RGS12: variants seen among roughly 807,000 people sequenced by gnomAD.
RGS12 encodes regulator of G-protein signaling 12.
A neutral mutation model predicts 120.1 loss-of-function variants in RGS12; 66 were observed. That is an observed-to-expected ratio of 0.55 (90% CI 0.45 to 0.67). The LOEUF (loss-of-function observed/expected upper bound fraction) is 0.67. Ranked by LOEUF, RGS12 falls within the 30% of genes least tolerant of loss-of-function variation. The pLI is 0.00. For missense variants in RGS12, 1,859 were observed against 1,957.7 expected, an observed-to-expected ratio of 0.95 and a Z score of 0.95; for synonymous variants, 827 against 804.7, an observed-to-expected ratio of 1.03 and a Z score of -0.47.
At chr4:3,427,923 C>T (rs1723829063) in intron 14 of RGS12, among the ~76,000 whole-genome samples, 167 bp from the exon 15 acceptor site, 1 of 152,204 alleles carries the variant, frequency 6.6e-6, no homozygotes, top group African/African-American at 2.4e-5. Context: ...GGCCCTCTCT[C>T]CTGTCCCATG....
At chr4:3,311,385 A>T (rs1724392906) in intron 1 of RGS12, among the ~76,000 whole-genome samples, 1 of 152,170 alleles carries the variant, frequency 6.6e-6, no homozygotes. Context: ...TTTTAACTTT[A>T]GAAGGGAATA....
intron 1 of RGS12, among the ~76,000 whole-genome samples, chr4:3,309,662 C>T (rs1259186292): frequency 3.2e-4 from 20 of 63,404 alleles, no homozygotes; most frequent in Admixed American, 5.9e-4. Context: ...AGCTGGGACC[C>T]TGGAATGGCA....
At position 3,428,650 on chromosome 4, in the gene RGS12, A is replaced by G; in HGVS notation, c.3504A>G (p.Glu1168=). ...GGGATCCCCGGCTTTCAAAGAGAGA[A>G]GAATCTATTGCAAAGATTGGGAAAA... ...NARDPRLSKR[E]ESIAKIGKKK... The change falls in exon 16 of 18, where the codon GAA becomes GAG. Residue 1168 remains glutamate (E), a synonymous_variant. Coordinates refer to ENST00000336727, the MANE Select transcript of RGS12 (RefSeq NM_001394154.1). The G allele has an allele frequency of 1.2e-6, 2 of 1,604,158 alleles. No homozygotes were observed. Among genetic ancestry groups the G allele is most frequent in the Non-Finnish European group, 1.7e-6 (2 of 1,176,908 alleles).
rs779539927 is a variant in RGS12, at chr4:3,356,360, ATTTAT to A, written c.1998+13312_1998+13316del. Among the ~76,000 whole-genome samples the A allele has an allele frequency of 1.4e-4, 22 of 152,044 alleles. 1 individual carries two copies. Among genetic ancestry groups the A allele is most frequent in the Non-Finnish European group, 2.8e-4 (19 of 68,000 alleles). On this transcript the variant is annotated intron_variant, in intron 3 of 17. Coordinates refer to ENST00000336727, the MANE Select transcript of RGS12 (RefSeq NM_001394154.1). ...ATGAGCCACCATGCCTGGCCTTTCA[ATTTAT>A]TTTAATTGTGGTAAAATACATACAA...
Position 3,433,702 on chromosome 4 carries a change from C to T in RGS12, c.4114+2747C>T, listed in dbSNP as rs1007701604. ...TGGTGCTCCACCACGCCCTTCTAGC[C>T]TCAGCGTCATGCACCGCACCGCCCC... On this transcript the variant is annotated intron_variant, in intron 17 of 17. Coordinates refer to ENST00000336727, the MANE Select transcript of RGS12 (RefSeq NM_001394154.1). The surrounding 1 kb of genome is among the most constrained non-coding windows in gnomAD (Gnocchi z 4.4). Among the ~76,000 whole-genome samples the T allele has an allele frequency of 2.4e-4, 37 of 151,878 alleles. No individual in the cohort carries two copies. Among genetic ancestry groups the T allele is most frequent in the Non-Finnish European group, 4.6e-4 (31 of 67,954 alleles).
At chr4:3,418,677 C>G (rs1389751764) in intron 9 of RGS12, 1 of 152,296 alleles carries the variant, frequency 6.6e-6, no homozygotes, top group Admixed American at 6.5e-5. Context: ...CAGCCCTGAG[C>G]TTCTGGCCAT....
chr4:3,373,183 G>A (rs551073040), intron 3 of RGS12, among the ~76,000 whole-genome samples: 4 of 152,322 alleles, frequency 2.6e-5, no homozygotes, highest in South Asian at 4.1e-4. Context: ...CTGGCGACAC[G>A]CAGCAGTCAC....
At chr4:3,353,909 C>G (rs1714626286) in intron 3 of RGS12, among the ~76,000 whole-genome samples, 1 of 152,166 alleles carries the variant, frequency 6.6e-6, no homozygotes, top group Non-Finnish European at 1.5e-5. Context: ...GGGCACTCCC[C>G]TTTCCTTAAC....
chr4:3,401,571 G>C (rs1389309172), intron 4 of RGS12, among the ~76,000 whole-genome samples: 2 of 152,198 alleles, frequency 1.3e-5, no homozygotes, highest in Non-Finnish European at 2.9e-5. Context: ...TGTGAAGTCC[G>C]AGCACGGTTT....
chr4:3,410,100 G>C (rs1721578260), intron 4 of RGS12, among the ~76,000 whole-genome samples: 1 of 152,196 alleles, frequency 6.6e-6, no homozygotes, highest in Non-Finnish European at 1.5e-5. Context: ...AAAAAAGCTG[G>C]AGGAAAAATG....
chr4:3,423,668 C>T lies in RGS12; in HGVS notation c.3234+27C>T, dbSNP rs200129123. The stretch of plus-strand genomic sequence containing the variant: ...TGAGTGTTGCACGGGGCCCGGGCGT[C>T]GTCACCGCAGGCACTGTCTGTTCCC... On this transcript the variant is annotated intron_variant, in intron 13 of 17. Coordinates refer to ENST00000336727, the MANE Select transcript of RGS12 (RefSeq NM_001394154.1). 7.5e-4 allele frequency: 1,201 copies of T among 1,591,102 alleles called. 1 individual carries two copies. The highest frequency in any genetic ancestry group is 9.7e-4 in the Non-Finnish European group (1,140 of 1,173,392).
At chr4:3,330,978 T>C (rs565594051) in intron 2 of RGS12, among the ~76,000 whole-genome samples, 1 of 152,328 alleles carries the variant, frequency 6.6e-6, no homozygotes, top group South Asian at 2.1e-4. Flanking sequence ...TGCAAAGGGC[T>C]GGGAGATGTA....
At chr4:3,343,388 G>A (rs1713454388) in intron 3 of RGS12, among the ~76,000 whole-genome samples, 2 of 152,234 alleles carry the variant, frequency 1.3e-5, no homozygotes, top group Non-Finnish European at 2.9e-5. Flanking sequence ...GTGATCCACA[G>A]ACATGGGTAA....
In RGS12 at chr4:3,314,195, G is replaced by C. The variant is rs1578705092; in HGVS notation, c.-101-1875G>C. The C allele has an allele frequency of 2.0e-5, 3 of 151,620 alleles. No individual in the cohort carries two copies. In the East Asian group the frequency reaches 5.8e-4, roughly 29 times the overall value. 9.4% of individuals were successfully genotyped at this position (151,620 alleles called of 1,614,324 possible). On this transcript the variant is annotated intron_variant, in intron 1 of 17. Coordinates refer to ENST00000336727, the MANE Select transcript of RGS12 (RefSeq NM_001394154.1). ...TTCCATCAAAACATAATTTTACTAA[G>C]TACGCATGTTCTGTGTCCGTGTTTT...
chr4:3,333,700 C>G (rs1204112368), intron 2 of RGS12, among the ~76,000 whole-genome samples: 2 of 152,132 alleles, frequency 1.3e-5, no homozygotes, highest in African/African-American at 4.8e-5. Flanking sequence ...GTCAGTATCC[C>G]CACCTATACT....
chr4:3,387,692 G>A (rs1444184920), intron 4 of RGS12, among the ~76,000 whole-genome samples: 2 of 152,184 alleles, frequency 1.3e-5, no homozygotes, highest in East Asian at 1.9e-4. Flanking sequence ...AACAGGACCC[G>A]GAACCAAATC....
At chr4:3,423,772 GAGGAGAGGA>G (rs1723297963) in intron 13 of RGS12, 131 bp downstream of exon 13, 26 of 1,181,182 alleles carry the variant, frequency 2.2e-5, no homozygotes, top group Non-Finnish European at 2.9e-5. Flanking sequence ...GTCCCCCTTG[GAGGAGAGGA>G]GACAGCCTCT....
At chr4:3,436,714 T>A (rs1392759692) in intron 17 of RGS12, among the ~76,000 whole-genome samples, 2 of 152,112 alleles carry the variant, frequency 1.3e-5, no homozygotes, top group African/African-American at 2.4e-5. Context: ...ACAGAGACAT[T>A]CATGGACAAG....
chr4:3,403,733 T>G (rs1720828338), intron 4 of RGS12, among the ~76,000 whole-genome samples: 1 of 152,236 alleles, frequency 6.6e-6, no homozygotes, highest in South Asian at 2.1e-4. Context: ...TACCTGTTCT[T>G]GCCCGACATG....
Sources: gnomAD v4.1 joint callset for allele counts (sites outside exome capture counted in the v4.1 genomes callset) on GRCh38, gnomAD v4.1.1 for gene constraint, Gnocchi (gnomAD v3.1) non-coding constraint, MANE v1.5 for transcripts, NCBI Gene and HGNC (gene_info 2026-07-23, HGNC 2026-07-21) for gene names.